The following ABCA8 variants were observed in gnomAD, a reference collection of about 807,000 sequenced individuals.
ABCA8 encodes ABC-type organic anion transporter ABCA8.
ABCA8 carries 177 observed loss-of-function variants against 192.3 expected under a neutral mutation model. The ratio of observed to expected loss-of-function variants is 0.92; its 90% confidence interval spans 0.81 to 1.04. ABCA8 has a LOEUF of 1.04. ABCA8 is among the 50% of genes least tolerant of loss of function. The probability of loss-of-function intolerance (pLI) is 0.00; values close to 1 mark genes in which losing one functional copy is unlikely to be tolerated. For synonymous variants in ABCA8, 642 were observed against 690.2 expected (o/e 0.93, Z 1.09); for missense variants, 1,915 against 1,904.8 (o/e 1.01, Z -0.10).
intron 26 of ABCA8, 111 bp downstream of exon 26, chr17:68,886,906 T>C: frequency 1.9e-6 from 1 of 513,182 alleles, no homozygotes; most frequent in Non-Finnish European, 3.2e-6. Context: ...TGTAATCTTG[T>C]GTTTATTATA....
At chr17:68,942,081 T>C in intron 2 of ABCA8, 42 bp from the exon 3 acceptor site, 1 of 1,448,754 alleles carries the variant, frequency 6.9e-7, no homozygotes. Flanking sequence ...TAATATGAAG[T>C]TCTTAAGAAA....
chr17:68,916,228 T>C (rs2067358316), intron 17 of ABCA8, among the ~76,000 whole-genome samples: 1 of 151,988 alleles, frequency 6.6e-6, no homozygotes, highest in South Asian at 2.1e-4. Flanking sequence ...CAGATTATAT[T>C]ACATGTGAAT....
At chr17:68,891,345 C>T in intron 24 of ABCA8, 144 bp downstream of exon 24, 2 of 542,960 alleles carry the variant, frequency 3.7e-6, no homozygotes, top group Admixed American at 6.5e-5. Flanking sequence ...ACTTATAAAA[C>T]TTTCTTTCAT....
intron 17 of ABCA8, among the ~76,000 whole-genome samples, chr17:68,908,257 A>G (rs1049645226): frequency 1.9e-4 from 29 of 152,186 alleles, no homozygotes; most frequent in African/African-American, 6.5e-4. Context: ...GTTGCAGTTG[A>G]AGGTTCAGTT....
At position 68,907,754 on chromosome 17, in the gene ABCA8, G is replaced by A. The variant is rs749622922; in HGVS notation, c.2264C>T (p.Thr755Ile). The change falls in exon 18 of 40, where the codon ACA becomes ATA. Residue 755 changes from threonine (T) to isoleucine (I), a missense_variant. Physicochemically the swap from Thr to Ile is moderately conservative, Grantham distance 89. Coordinates refer to ENST00000586539, the MANE Select transcript of ABCA8 (RefSeq NM_001288985.2). Reference sequence around the variant, plus strand: ...ATGCACATTACCTGGAAATTTATTTGTTCTTTCTAAGGGTAATGTATAAAT... The same window carrying A: ...ATGCACATTACCTGGAAATTTATTTATTCTTTCTAAGGGTAATGTATAAAT... ...KLIYTLPLER[T>I]NKFPELYKDL... The A allele has an allele frequency of 2.5e-6, 4 of 1,588,562 alleles. No individual in the cohort carries two copies. In the South Asian group the frequency reaches 3.6e-5, roughly 14 times the overall value.
chr17:68,890,605 G>A (rs1362849571), intron 24 of ABCA8, among the ~76,000 whole-genome samples: 1 of 152,060 alleles, frequency 6.6e-6, no homozygotes, highest in Non-Finnish European at 1.5e-5. Context: ...TGCAACCTCC[G>A]CAGTCCAGGT....
At chr17:68,938,790 T>C (rs565963155) in intron 4 of ABCA8, among the ~76,000 whole-genome samples, 159 of 152,298 alleles carry the variant, frequency 1.0e-3, no homozygotes, top group Middle Eastern at 6.8e-3. Context: ...CCTGTAGATA[T>C]AGTCTGACTG....
intron 5 of ABCA8, among the ~76,000 whole-genome samples, chr17:68,935,570 T>TATATATATATATATATA (rs1389554406): frequency 3.9e-4 from 19 of 48,400 alleles, no homozygotes; most frequent in Non-Finnish European, 6.6e-4. Context: ...ATATATATAT[T>TATATATATATATATATA]ATCTTCTTTA....
At chr17:68,929,365 A>T in intron 8 of ABCA8, 131 bp from the exon 9 acceptor site, 2 of 1,044,332 alleles carry the variant, frequency 1.9e-6, no homozygotes, top group South Asian at 1.9e-5. Flanking sequence ...TGTATATAAC[A>T]TACAAAACTA....
intron 5 of ABCA8, among the ~76,000 whole-genome samples, chr17:68,936,160 G>A (rs2068058983): frequency 6.6e-6 from 1 of 151,782 alleles, no homozygotes. Flanking sequence ...CTTTTGCTTT[G>A]CAGAAGTTTT....
In ABCA8 at chr17:68,876,523, G is replaced by A. The variant is rs148226092; in HGVS notation, c.4307C>T (p.Pro1436Leu). 265 of 1,613,790 alleles carry A rather than the reference G, an allele frequency of 1.6e-4. No individual in the cohort carries two copies. The highest frequency in any genetic ancestry group is 3.3e-4 in the Middle Eastern group (2 of 6,082). ...LCFVLSILGN[P>L]SVVLLDEPST... ...CGGCTCATCCAGAAGCACCACTGAC[G>A]GGTTCCCCAGTATGCTCAGGACAAA... The change falls in exon 35 of 40, where the codon CCG becomes CTG. Residue 1436 changes from proline to leucine, a missense_variant. Pro to Leu is a moderately conservative substitution (Grantham distance 98). Transcript: ENST00000586539.
chr17:68,869,869 TA>T, intron 37 of ABCA8, 90 bp from the exon 38 acceptor site: 2 of 898,906 alleles, frequency 2.2e-6, no homozygotes, highest in Non-Finnish European at 1.8e-6. Flanking sequence ...TTTTTTCTTT[TA>T]AAAAATGGTG....
chr17:68,911,963 A>T lies in ABCA8; in HGVS notation c.2139-4084T>A, dbSNP rs1307568821. Among the ~76,000 whole-genome samples the T allele has an allele frequency of 6.6e-6, 1 of 152,158 alleles. No individual in the cohort carries two copies. The highest frequency in any genetic ancestry group is 6.5e-5 in the Admixed American group (1 of 15,280). ...GACCATAACATTCTATTCCCTTTGA[A>T]TACTTGGAAAGCCTTCCCAAGAAGG... On this transcript the variant is annotated intron_variant, in intron 17 of 39. Transcript: ENST00000586539. This position sits in a 1 kb window ranked among gnomAD's most constrained non-coding sequence, Gnocchi z 5.7.
At chr17:68,951,021 C>T (rs946679039) in intron 1 of ABCA8, among the ~76,000 whole-genome samples, 1 of 151,992 alleles carries the variant, frequency 6.6e-6, no homozygotes, top group Non-Finnish European at 1.5e-5. Context: ...TAGCCTACTG[C>T]GGAATGAAAC....
chr17:68,876,851 T>A, intron 33 of ABCA8, 148 bp from the exon 34 acceptor site: 1 of 839,406 alleles, frequency 1.2e-6, no homozygotes, highest in African/African-American at 1.7e-5. Flanking sequence ...GTGATATTAC[T>A]GGCTGACTTG....
chr17:68,929,621 A>G lies in ABCA8; in HGVS notation c.879T>C (p.Phe293=), dbSNP rs762164709. ...CTACCATGAAGCCAGACAAAATGATAAACTGGGTAGATCTTATAACAAGTG... is the reference window on the plus strand; with the variant it reads ...CTACCATGAAGCCAGACAAAATGATGAACTGGGTAGATCTTATAACAAGTG... ...FLALVIRSTQ[F]IILSGFMVVF... is the part of the protein sequence containing the mutation. The change falls in exon 8 of 40, where the codon TTT becomes TTC. Residue 293 remains phenylalanine, a synonymous_variant. Coordinates refer to ENST00000586539, the MANE Select transcript of ABCA8 (RefSeq NM_001288985.2). The G allele has an allele frequency of 6.2e-7, 1 of 1,613,836 alleles. No homozygotes were observed. The highest frequency in any genetic ancestry group is 1.1e-5 in the South Asian group (1 of 91,074).
intron 10 of ABCA8, among the ~76,000 whole-genome samples, chr17:68,926,024 A>G (rs1028776790): frequency 6.6e-6 from 1 of 151,988 alleles, no homozygotes; most frequent in African/African-American, 2.4e-5. Context: ...TGTGAAAGAT[A>G]TTTTTGTGAC....
In ABCA8 at chr17:68,911,462, C is replaced by G. The variant is rs1459621605; in HGVS notation, c.2139-3583G>C. 6.6e-6 allele frequency among the ~76,000 whole-genome samples: 1 copy of G among 152,146 alleles called. No individual in the cohort carries two copies. The highest frequency in any genetic ancestry group is 1.5e-5 in the Non-Finnish European group (1 of 68,016). ...TTCCTAAGATTTCTGACTCCAGGTC[C>G]TTCCTCCCAGAAGGCATTTCTGGAC... On this transcript the variant is annotated intron_variant, in intron 17 of 39. Transcript: ENST00000586539. This position sits in a 1 kb window ranked among gnomAD's most constrained non-coding sequence, Gnocchi z 5.7.
chr17:68,916,148 G>C (rs947174806), intron 17 of ABCA8, among the ~76,000 whole-genome samples: 6 of 152,020 alleles, frequency 3.9e-5, no homozygotes, highest in Non-Finnish European at 7.4e-5. Context: ...GGTGGGGAAG[G>C]GGGGATGGTT....
Sources: gnomAD v4.1 joint callset for allele counts (sites outside exome capture counted in the v4.1 genomes callset) on GRCh38, gnomAD v4.1.1 for gene constraint, Gnocchi (gnomAD v3.1) non-coding constraint, MANE v1.5 for transcripts, NCBI Gene and HGNC (gene_info 2026-07-23, HGNC 2026-07-21) for gene names.